TERT: variants seen among roughly 807,000 people sequenced by gnomAD.
TERT encodes telomerase catalytic subunit.
In TERT, 42 loss-of-function variants were observed where a neutral mutation model predicts 104.0. The observed-to-expected ratio is 0.40, with a 90% CI of 0.32 to 0.52. The LOEUF (loss-of-function observed/expected upper bound fraction) is 0.52, where lower values mean the gene tolerates loss of function less well. TERT is among the 20% of genes least tolerant of loss of function. TERT has a pLI of 0.43. For missense variants in TERT, 1,101 were observed against 1,610.3 expected (o/e 0.68, Z 5.41); for synonymous variants, 781 against 725.6 (o/e 1.08, Z -1.23).
chr5:1,260,003 G>T (rs552656360), intron 12 of TERT, among the ~76,000 whole-genome samples: 1 of 152,184 alleles, frequency 6.6e-6, no homozygotes, highest in East Asian at 1.9e-4. Context: ...GAGTGGACGC[G>T]GATGCCCAGA....
intron 2 of TERT, among the ~76,000 whole-genome samples, chr5:1,289,692 C>T (rs1750746491): frequency 1.9e-5 from 2 of 106,658 alleles, no homozygotes; most frequent in African/African-American, 8.7e-5. Flanking sequence ...TCACCCTGCA[C>T]GTGACAGGGA....
Position 1,288,941 on chromosome 5 carries a change from C to A in TERT, c.1573+4372G>T, listed in dbSNP as rs1750660984. Among the ~76,000 whole-genome samples the A allele has an allele frequency of 6.6e-6, 1 of 152,184 alleles. No individual in the cohort carries two copies. The highest frequency in any genetic ancestry group is 2.1e-4 in the South Asian group (1 of 4,836). ...GGAGAGGTGACCAAGAAGAGCCGAG[C>A]ATCAGAAAAGATAGGCTTGGGGACC... On this transcript the variant is annotated intron_variant, in intron 2 of 15. Coordinates refer to ENST00000310581, the MANE Select transcript of TERT (RefSeq NM_198253.3). The surrounding 1 kb of genome is among the most constrained non-coding windows in gnomAD (Gnocchi z 5.3).
At position 1,293,846 on chromosome 5, in the gene TERT, A is replaced by G; in HGVS notation, c.1040T>C (p.Leu347Pro). Residue 347 changes from leucine (L) to proline (P), a missense_variant, in exon 2 of 16, where the codon CTC becomes CCC. Physicochemically the swap from Leu to Pro is moderately conservative, Grantham distance 98. Coordinates refer to ENST00000310581, the MANE Select transcript of TERT (RefSeq NM_198253.3). ...AGTCAGGCTGGGCCTCAGAGAGCTG[A>G]GTAGGAAGGAGGGCCGCAGCTGCTC... is the stretch of plus-strand genomic sequence containing the variant. ...DKEQLRPSFLLSSLRPSLTGA... is the reference protein window; with the variant it reads ...DKEQLRPSFLPSSLRPSLTGA... 1 of 1,547,846 alleles carries G rather than the reference A, an allele frequency of 6.5e-7. No individual in the cohort carries two copies. The highest frequency in any genetic ancestry group is 8.7e-7 in the Non-Finnish European group (1 of 1,146,974).
At chr5:1,271,380 TG>T (rs2126615211) in intron 7 of TERT, among the ~76,000 whole-genome samples, 176 bp from the exon 8 acceptor site, 1 of 152,342 alleles carries the variant, frequency 6.6e-6, no homozygotes, top group South Asian at 2.1e-4. Context: ...CAGACACACA[TG>T]GGCTTAGGCA....
chr5:1,287,414 G>A lies in TERT; in HGVS notation c.1574-4790C>T, dbSNP rs1313850771. Among the ~76,000 whole-genome samples, 3 of 151,410 alleles carry A rather than the reference G, an allele frequency of 2.0e-5. No homozygotes were observed. Among genetic ancestry groups the A allele is most frequent in the African/African-American group, 4.9e-5 (2 of 41,172 alleles). ...ATTCAGGAGGCTGAGGTGAGAGGAC[G>A]GCTCAGGCCAGAAGGTAAAAGTTAC... On this transcript the variant is annotated intron_variant, in intron 2 of 15. Coordinates refer to ENST00000310581, the MANE Select transcript of TERT (RefSeq NM_198253.3). The surrounding 1 kb of genome is among the most constrained non-coding windows in gnomAD (Gnocchi z 4.3).
In TERT at chr5:1,265,901, T is replaced by C. The variant is rs1748563090; in HGVS notation, c.2654+563A>G. Among the ~76,000 whole-genome samples the C allele has an allele frequency of 6.6e-6, 1 of 152,204 alleles. No homozygotes were observed. Among genetic ancestry groups the C allele is most frequent in the Non-Finnish European group, 1.5e-5 (1 of 68,032 alleles). On this transcript the variant is annotated intron_variant, in intron 10 of 15. Coordinates refer to ENST00000310581, the MANE Select transcript of TERT (RefSeq NM_198253.3). The surrounding 1 kb of genome is among the most constrained non-coding windows in gnomAD (Gnocchi z 6.9). Reference sequence around the variant, plus strand: ...CAGGTCCCCTGTGCCTGATTTTAGTTTGATTCACAAAAATCAACTCTGAAA... The same window carrying C: ...CAGGTCCCCTGTGCCTGATTTTAGTCTGATTCACAAAAATCAACTCTGAAA...
chr5:1,271,745 C>T (rs1319300478), intron 7 of TERT, among the ~76,000 whole-genome samples: 5 of 152,170 alleles, frequency 3.3e-5, no homozygotes, highest in African/African-American at 4.8e-5. Flanking sequence ...CTCAGCGGGG[C>T]GTGGCTCAAA....
intron 7 of TERT, among the ~76,000 whole-genome samples, chr5:1,271,964 A>G (rs893600169): frequency 3.9e-5 from 6 of 152,266 alleles, no homozygotes; most frequent in Admixed American, 6.5e-5. Flanking sequence ...GAGGCCGCGC[A>G]GTCAAACGTG....
chr5:1,282,326 G>T, intron 3 of TERT, 103 bp downstream of exon 3: 2 of 1,287,710 alleles, frequency 1.6e-6, no homozygotes, highest in Non-Finnish European at 2.2e-6. Flanking sequence ...GCCCAGAGCT[G>T]CACAGCCAGG....
intron 2 of TERT, among the ~76,000 whole-genome samples, chr5:1,290,670 A>C (rs1750852236): frequency 1.5e-5 from 1 of 65,872 alleles, no homozygotes; most frequent in Non-Finnish European, 2.8e-5. Context: ...GGACAGGGAC[A>C]CCCGGGGACC....
chr5:1,272,207 C>T lies in TERT; in HGVS notation c.2360G>A (p.Arg787Lys), dbSNP rs1202226678. Residue 787 changes from arginine to lysine, a missense_variant, in exon 7 of 16, where the codon AGG (arginine) becomes AAG (lysine). By Grantham distance (26) the Arg-to-Lys change is conservative (BLOSUM62 2). Around this residue, in one of 5 missense-constraint regions of TERT, gnomAD observed 463 missense variants for 797.5 expected, o/e 0.58. Coordinates refer to ENST00000310581, the MANE Select transcript of TERT (RefSeq NM_198253.3). ...GACCTGCTCGATGACGACGGCATCC[C>T]TCAGCGGGCTGGTCTCCTGCAGGTG... ...VAHLQETSPL[R>K]DAVVIEQSSS... The T allele has an allele frequency of 1.2e-6, 2 of 1,612,474 alleles. No individual in the cohort carries two copies. Among genetic ancestry groups the T allele is most frequent in the South Asian group, 1.1e-5 (1 of 90,950 alleles).
At chr5:1,271,342 A>G (rs575165048) in intron 7 of TERT, 138 bp from the exon 8 acceptor site, 19 of 725,976 alleles carry the variant, frequency 2.6e-5, no homozygotes, top group Non-Finnish European at 4.5e-5. Context: ...ATGCAGGGCC[A>G]TCGTGGGCTG....
Position 1,294,885 on chromosome 5 carries a change from G to A in TERT, c.105C>T (p.Gly35=), listed in dbSNP as rs2126692102. ...GGTCCCCGCGCTGCACCAGCCGCCAGCCCTGGGGCCCCAGGCGCCGCACGA... is the reference window on the plus strand; with the variant it reads ...GGTCCCCGCGCTGCACCAGCCGCCAACCCTGGGGCCCCAGGCGCCGCACGA... ...ATFVRRLGPQ[G]WRLVQRGDPA... The change falls in exon 1 of 16, where the codon GGC becomes GGT. Residue 35 remains glycine, a synonymous_variant. Transcript: ENST00000310581. 1 of 1,436,794 alleles carries A rather than the reference G, an allele frequency of 7.0e-7. No individual in the cohort carries two copies. Among genetic ancestry groups the A allele is most frequent in the Non-Finnish European group, 9.1e-7 (1 of 1,100,322 alleles). 89.0% of individuals were successfully genotyped at this position (1,436,794 alleles called of 1,614,324 possible). A position where few individuals can be genotyped will look rare whatever the true frequency, so the allele number is the denominator to read the frequency against.
chr5:1,255,944 C>T lies in TERT; in HGVS notation c.3033-533G>A, dbSNP rs889933845. 3.3e-5 allele frequency among the ~76,000 whole-genome samples: 5 copies of T among 152,080 alleles called. No homozygotes were observed. The highest frequency in any genetic ancestry group is 4.8e-5 in the African/African-American group (2 of 41,470). On this transcript the variant is annotated intron_variant, in intron 13 of 15. Coordinates refer to ENST00000310581, the MANE Select transcript of TERT (RefSeq NM_198253.3). The surrounding 1 kb of genome is among the most constrained non-coding windows in gnomAD (Gnocchi z 6.9). ...TCTCATCTCACTGACACCGAGACAC[C>T]GACTTGGCTTCTGTGTGTAGGTTAA...
chr5:1,284,872 C>A (rs188405638), intron 2 of TERT, among the ~76,000 whole-genome samples: 3 of 130,586 alleles, frequency 2.3e-5, no homozygotes, highest in Non-Finnish European at 4.9e-5. Context: ...GGTCTGGCAC[C>A]GTCTGGCGAC....
chr5:1,257,463 C>T lies in TERT; in HGVS notation c.3032+1135G>A, dbSNP rs1266358368. On this transcript the variant is annotated intron_variant, in intron 13 of 15. Transcript: ENST00000310581. This position sits in a 1 kb window ranked among gnomAD's most constrained non-coding sequence, Gnocchi z 5.6. ...CAAGGGTTTCCGGAAAGGAGTCAAG[C>T]AGCTTGCACGAGGGCCCAGGCACGC... is the stretch of plus-strand genomic sequence containing the variant. Among the ~76,000 whole-genome samples, 2 of 152,178 alleles carry T rather than the reference C, an allele frequency of 1.3e-5. No homozygotes were observed. Among genetic ancestry groups the T allele is most frequent in the African/African-American group, 4.8e-5 (2 of 41,442 alleles).
chr5:1,257,431 C>T lies in TERT; in HGVS notation c.3032+1167G>A, dbSNP rs748119130. 2.1e-4 allele frequency among the ~76,000 whole-genome samples: 32 copies of T among 152,280 alleles called. No individual in the cohort carries two copies. The highest frequency in any genetic ancestry group is 3.4e-3 in the Middle Eastern group (1 of 294). ...AGTCCTCAGTGGCACCTGTATCCAG[C>T]ACACCCCAAGGGTTTCCGGAAAGGA... On this transcript the variant is annotated intron_variant, in intron 13 of 15. Transcript: ENST00000310581. The surrounding 1 kb of genome is among the most constrained non-coding windows in gnomAD (Gnocchi z 5.6).
Position 1,294,357 on chromosome 5 carries a change from G to A in TERT, c.529C>T (p.Gln177Ter). 1 of 1,577,376 alleles carries A rather than the reference G, an allele frequency of 6.3e-7. No individual in the cohort carries two copies. Among genetic ancestry groups the A allele is most frequent in the East Asian group, 2.3e-5 (1 of 43,490 alleles). The change falls in exon 2 of 16, where the codon CAG (glutamine) becomes TAG (stop). Residue 177 changes from glutamine (Q) to a stop codon, truncating the protein, a stop_gained. Coordinates refer to ENST00000310581, the MANE Select transcript of TERT (RefSeq NM_198253.3). LOFTEE classifies it high-confidence loss of function. ...AYQVCGPPLY[Q>*]LGAATQARPP... The stretch of plus-strand genomic sequence containing the variant: ...CGGGCCTGAGTGGCAGCGCCGAGCT[G>A]GTACAGCGGCGGCCCGCACACCTGG...
rs1427504327 is a variant in TERT at position 1,262,722 on chromosome 5, C to G, written c.2843+1682G>C. 6.6e-6 allele frequency among the ~76,000 whole-genome samples: 1 copy of G among 152,214 alleles called. No homozygotes were observed. The highest frequency in any genetic ancestry group is 1.5e-5 in the Non-Finnish European group (1 of 68,044). ...GCTTTGCAATGTGTTTAGAGAGAACCCATTTTCCTGATTTGTTTGTCTGTC... is the reference window on the plus strand; with the variant it reads ...GCTTTGCAATGTGTTTAGAGAGAACGCATTTTCCTGATTTGTTTGTCTGTC... On this transcript the variant is annotated intron_variant, in intron 11 of 15. Transcript: ENST00000310581. This position sits in a 1 kb window ranked among gnomAD's most constrained non-coding sequence, Gnocchi z 5.6.
Sources: gnomAD v4.1 joint callset for allele counts (sites outside exome capture counted in the v4.1 genomes callset) on GRCh38, gnomAD v4.1.1 for gene constraint, gnomAD v4.1.1 regional missense constraint, Gnocchi (gnomAD v3.1) non-coding constraint, MANE v1.5 for transcripts, NCBI Gene and HGNC (gene_info 2026-07-23, HGNC 2026-07-21) for gene names.